C8orf34: variants seen among roughly 807,000 people sequenced by gnomAD.
C8orf34 encodes the protein chromosome 8 open reading frame 34, also known as uncharacterized protein C8orf34.
A neutral mutation model predicts 68.3 loss-of-function variants in C8orf34; 65 were observed. The observed-to-expected ratio is 0.95, with a 90% CI of 0.78 to 1.17. The LOEUF is 1.17. Ranked by LOEUF, C8orf34 falls within the 50% of genes most tolerant of loss-of-function variation. The pLI is 0.00. For missense variants in C8orf34, 664 were observed against 655.4 expected, an observed-to-expected ratio of 1.01 and a Z score of -0.14; for synonymous variants, 244 against 241.2, an observed-to-expected ratio of 1.01 and a Z score of -0.11.
chr8:68,764,968 C>T (rs368578034), intron 10 of C8orf34, among the ~76,000 whole-genome samples: 4 of 152,236 alleles, frequency 2.6e-5, no homozygotes, highest in Admixed American at 1.3e-4. Flanking sequence ...AAGAGATAAA[C>T]GAAGAAGTAG....
chr8:68,514,494 A>G (rs1183484730), intron 5 of C8orf34, among the ~76,000 whole-genome samples: 2 of 152,116 alleles, frequency 1.3e-5, no homozygotes, highest in African/African-American at 4.8e-5. Flanking sequence ...TTTAGTCTGG[A>G]CTTGGATTTC....
intron 12 of C8orf34, among the ~76,000 whole-genome samples, chr8:68,811,955 A>G (rs1391375878): frequency 6.6e-6 from 1 of 152,204 alleles, no homozygotes; most frequent in Non-Finnish European, 1.5e-5. Context: ...CCTAAAAGCT[A>G]AATAATCCTT....
At position 68,634,646 on chromosome 8, in the gene C8orf34, A is replaced by G. The variant is rs79433128; in HGVS notation, c.1106-5730A>G. 7.2e-3 allele frequency among the ~76,000 whole-genome samples: 1,099 copies of G among 152,086 alleles called. 14 individuals carry two copies. The highest frequency in any genetic ancestry group is 0.025 in the African/African-American group (1,057 of 41,496). ...TGAGACCTAGATTGTATTTTATTTT[A>G]TTTTTGTTCTTTGTATATTTAGCAT... On this transcript the variant is annotated intron_variant, in intron 7 of 13. Coordinates refer to ENST00000518698, the MANE Select transcript of C8orf34 (RefSeq NM_052958.4).
chr8:68,552,370 G>A (rs947699043), intron 7 of C8orf34, among the ~76,000 whole-genome samples: 4 of 151,968 alleles, frequency 2.6e-5, no homozygotes, highest in Non-Finnish European at 4.4e-5. Context: ...AATTTTTTAA[G>A]AATATTTTTT....
chr8:68,614,693 C>T (rs1321071162), intron 7 of C8orf34, among the ~76,000 whole-genome samples: 1 of 152,084 alleles, frequency 6.6e-6, no homozygotes. Flanking sequence ...TTACTGTAGC[C>T]TTGTAGTATA....
chr8:68,618,411 G>C (rs1183082674), intron 7 of C8orf34, among the ~76,000 whole-genome samples: 2 of 152,094 alleles, frequency 1.3e-5, no homozygotes, highest in African/African-American at 4.8e-5. Context: ...GAGTGCAGTG[G>C]TGTGATCTTG....
intron 2 of C8orf34, among the ~76,000 whole-genome samples, chr8:68,446,000 C>T (rs1811105557): frequency 2.0e-5 from 3 of 152,156 alleles, no homozygotes; most frequent in African/African-American, 7.2e-5. Flanking sequence ...CCATACTGGT[C>T]AGGTTGGTCT....
chr8:68,658,086 C>T (rs1585684400), intron 8 of C8orf34, among the ~76,000 whole-genome samples: 1 of 152,272 alleles, frequency 6.6e-6, no homozygotes, highest in South Asian at 2.1e-4. Context: ...CCCACATATA[C>T]TTTTTCCATA....
intron 8 of C8orf34, among the ~76,000 whole-genome samples, chr8:68,680,601 A>C (rs1820339786): frequency 6.6e-6 from 1 of 152,296 alleles, no homozygotes; most frequent in Admixed American, 6.5e-5. Flanking sequence ...AGAACTACTA[A>C]TAAGGGTCTA....
At chr8:68,732,297 C>T (rs955568575) in intron 10 of C8orf34, among the ~76,000 whole-genome samples, 1 of 152,020 alleles carries the variant, frequency 6.6e-6, no homozygotes, top group African/African-American at 2.4e-5. Context: ...AGTAAAAATC[C>T]CACAAAATTA....
chr8:68,374,833 A>G (rs950327033), intron 1 of C8orf34, among the ~76,000 whole-genome samples: 2 of 152,192 alleles, frequency 1.3e-5, no homozygotes, highest in Non-Finnish European at 2.9e-5. Context: ...TCTTTTTATT[A>G]GAAGTGTAAC....
intron 1 of C8orf34, among the ~76,000 whole-genome samples, chr8:68,415,876 T>TA (rs1204449091): frequency 1.1e-4 from 16 of 152,180 alleles, no homozygotes. Context: ...GGATTATGTT[T>TA]AAGAAGACTT....
intron 1 of C8orf34, among the ~76,000 whole-genome samples, chr8:68,383,521 G>A (rs566106138): frequency 1.3e-5 from 2 of 152,266 alleles, no homozygotes; most frequent in South Asian, 4.1e-4. Context: ...GGTCCCTGCT[G>A]GGAGAAAGTA....
At chr8:68,403,081 T>C (rs1262438370) in intron 1 of C8orf34, among the ~76,000 whole-genome samples, 3 of 152,178 alleles carry the variant, frequency 2.0e-5, no homozygotes, top group Admixed American at 2.0e-4. Context: ...ATCAAATTAC[T>C]TCTTGAGGAT....
chr8:68,576,232 T>G (rs1034135424), intron 7 of C8orf34, among the ~76,000 whole-genome samples: 2 of 151,888 alleles, frequency 1.3e-5, no homozygotes, highest in South Asian at 4.1e-4. Context: ...AAATAATGAT[T>G]ATTAGACTAA....
At chr8:68,625,231 C>G (rs960224862) in intron 7 of C8orf34, among the ~76,000 whole-genome samples, 1 of 152,034 alleles carries the variant, frequency 6.6e-6, no homozygotes, top group Admixed American at 6.6e-5. Flanking sequence ...ATATTCTTGG[C>G]CTGCTCCCAG....
intron 7 of C8orf34, among the ~76,000 whole-genome samples, chr8:68,577,332 C>T (rs1319259706): frequency 6.6e-6 from 1 of 151,926 alleles, no homozygotes; most frequent in Non-Finnish European, 1.5e-5. Flanking sequence ...TAGACATAGA[C>T]TGTTATCATC....
chr8:68,656,152 C>A (rs1026540340), intron 8 of C8orf34, among the ~76,000 whole-genome samples: 2 of 152,170 alleles, frequency 1.3e-5, no homozygotes, highest in African/African-American at 4.8e-5. Context: ...AGATCTCTAA[C>A]TAATCTTTGG....
chr8:68,703,975 A>C (rs957267883), intron 8 of C8orf34, among the ~76,000 whole-genome samples: 1 of 152,170 alleles, frequency 6.6e-6, no homozygotes, highest in Non-Finnish European at 1.5e-5. Flanking sequence ...ATTCTATACA[A>C]AATCCCCAAT....
Sources: gnomAD v4.1 joint callset for allele counts (sites outside exome capture counted in the v4.1 genomes callset) on GRCh38, gnomAD v4.1.1 for gene constraint, MANE v1.5 for transcripts, NCBI Gene and HGNC (gene_info 2026-07-23, HGNC 2026-07-21) for gene names.